Variants in SPTAN1 observed in about 807,000 individuals in gnomAD.
SPTAN1 encodes the protein spectrin alpha, non-erythrocytic 1.
In SPTAN1, 61 loss-of-function variants were observed where a neutral mutation model predicts 331.3. The observed-to-expected ratio is 0.18, with a 90% CI of 0.15 to 0.23. The LOEUF is 0.23. Ranked by LOEUF, SPTAN1 falls within the 10% of genes least tolerant of loss-of-function variation. The pLI is 1.00. For synonymous variants in SPTAN1, 1,153 were observed against 1,173.9 expected, an observed-to-expected ratio of 0.98 and a Z score of 0.36; for missense variants, 2,043 against 3,147.9, an observed-to-expected ratio of 0.65 and a Z score of 8.40.
At chr9:128,597,978 C>T (rs544030213) in intron 24 of SPTAN1, among the ~76,000 whole-genome samples, 9 of 147,196 alleles carry the variant, frequency 6.1e-5, no homozygotes, top group African/African-American at 2.0e-4. Context: ...GATGGAGTTT[C>T]GCTCTTGTTG....
intron 2 of SPTAN1, 40 bp downstream of exon 2, chr9:128,567,017 G>T: frequency 1.2e-6 from 2 of 1,612,616 alleles, no homozygotes; most frequent in Non-Finnish European, 1.7e-6. Flanking sequence ...AAATTCAAGA[G>T]CCCAAATGTT....
intron 34 of SPTAN1, among the ~76,000 whole-genome samples, 165 bp from the exon 35 acceptor site, chr9:128,608,709 T>G (rs189634683): frequency 7.2e-5 from 11 of 152,370 alleles, no homozygotes; most frequent in African/African-American, 2.4e-4. Flanking sequence ...AATCAAGCTT[T>G]CTTTTGGCAT....
chr9:128,601,353 T>C (rs1029025198), intron 27 of SPTAN1: 3 of 152,180 alleles, frequency 2.0e-5, no homozygotes, highest in Non-Finnish European at 2.9e-5. Context: ...AGTTCTAGCA[T>C]CTTCCCTCCT....
rs1858878362 is a variant in SPTAN1 at position 128,627,128 on chromosome 9, T to A, written c.6577-258T>A. The A allele has an allele frequency of 1.7e-6, 1 of 601,882 alleles. No homozygotes were observed. The highest frequency in any genetic ancestry group is 1.9e-5 in the African/African-American group (1 of 52,590). The allele number at this position is 601,882 out of a possible 1,614,324, so 37.3% of individuals were successfully genotyped here. On this transcript the variant is annotated intron_variant, in intron 49 of 56. Coordinates refer to ENST00000372739, the MANE Select transcript of SPTAN1 (RefSeq NM_001130438.3). The surrounding 1 kb of genome is among the most constrained non-coding windows in gnomAD (Gnocchi z 4.9). ...GTACCCAGCCAGAAGTTTCCATTTCTGACAGTCCAGCAACTCCCTGCTTGA... is the reference window on the plus strand; with the variant it reads ...GTACCCAGCCAGAAGTTTCCATTTCAGACAGTCCAGCAACTCCCTGCTTGA...
intron 26 of SPTAN1, 32 bp from the exon 27 acceptor site, chr9:128,600,048 T>A: frequency 6.2e-7 from 1 of 1,614,030 alleles, no homozygotes. Flanking sequence ...GGTCAATTGC[T>A]TGGCTGCCTA....
intron 37 of SPTAN1, chr9:128,611,461 C>A (rs1856547976): frequency 2.2e-6 from 1 of 454,484 alleles, no homozygotes; most frequent in Non-Finnish European, 4.1e-6. Context: ...CTGAGCAAGA[C>A]CCTGTCTCAA....
At chr9:128,562,323 G>A (rs1346603972) in intron 1 of SPTAN1, among the ~76,000 whole-genome samples, 2 of 152,070 alleles carry the variant, frequency 1.3e-5, no homozygotes, top group Non-Finnish European at 2.9e-5. Context: ...GGCTGGTCTG[G>A]AGCTCATGAC....
Position 128,615,445 on chromosome 9 carries a change from G to A in SPTAN1, c.5149-187G>A, listed in dbSNP as rs79176107. Among the ~76,000 whole-genome samples, 931 of 152,080 alleles carry A rather than the reference G, an allele frequency of 6.1e-3. 8 individuals are homozygous for A. Among genetic ancestry groups the A allele is most frequent in the African/African-American group, 0.021 (862 of 41,476 alleles). The stretch of plus-strand genomic sequence containing the variant: ...GTACTATCAGTGCAAATGTCCACAC[G>A]GTAAAAAATAATAATGTCTTATAAT... On this transcript the variant is annotated intron_variant, in intron 40 of 56. Coordinates refer to ENST00000372739, the MANE Select transcript of SPTAN1 (RefSeq NM_001130438.3).
chr9:128,558,100 G>A (rs112855781), intron 1 of SPTAN1, among the ~76,000 whole-genome samples: 126 of 152,288 alleles, frequency 8.3e-4, no homozygotes, highest in African/African-American at 2.7e-3. Flanking sequence ...ACCGCGCCCA[G>A]CTGTATATTA....
intron 27 of SPTAN1, among the ~76,000 whole-genome samples, chr9:128,600,757 A>G (rs914885885): frequency 1.4e-5 from 2 of 147,702 alleles, no homozygotes; most frequent in African/African-American, 5.0e-5. Flanking sequence ...CCGCCTCCCC[A>G]GTTCGAGCAA....
intron 3 of SPTAN1, 36 bp downstream of exon 3, chr9:128,568,933 T>C (rs1447344638): frequency 3.1e-6 from 5 of 1,613,094 alleles, no homozygotes; most frequent in Non-Finnish European, 4.2e-6. Context: ...GATGGCTTCA[T>C]CTGGGTGGAG....
Position 128,625,666 on chromosome 9 carries a change from T to A in SPTAN1, c.6070-103T>A. The A allele has an allele frequency of 9.3e-7, 1 of 1,071,152 alleles. No homozygotes were observed. The highest frequency in any genetic ancestry group is 1.7e-5 in the Admixed American group (1 of 58,352). The allele number at this position is 1,071,152 out of a possible 1,614,324, so 66.4% of individuals were successfully genotyped here. ...CTCAGCAGTGTCCAGGTGGACAGTT[T>A]GGCTTGGGCATCTGGGGGACATGCT... On this transcript the variant is annotated intron_variant, in intron 47 of 56. Coordinates refer to ENST00000372739, the MANE Select transcript of SPTAN1 (RefSeq NM_001130438.3). The surrounding 1 kb of genome is among the most constrained non-coding windows in gnomAD (Gnocchi z 4.1).
intron 20 of SPTAN1, 110 bp from the exon 21 acceptor site, chr9:128,588,699 T>G: frequency 1.4e-6 from 2 of 1,442,010 alleles, no homozygotes; most frequent in South Asian, 2.3e-5. Flanking sequence ...TTCTCATGAG[T>G]GTATATTTGG....
At chr9:128,609,370 C>A in intron 36 of SPTAN1, 86 bp downstream of exon 36, 1 of 1,575,948 alleles carries the variant, frequency 6.3e-7, no homozygotes, top group Non-Finnish European at 8.7e-7. Context: ...ATAAAACAAT[C>A]TCCTTGCACC....
intron 19 of SPTAN1, among the ~76,000 whole-genome samples, chr9:128,587,100 C>T (rs117389491): frequency 1.3e-5 from 2 of 152,230 alleles, no homozygotes; most frequent in East Asian, 1.9e-4. Context: ...GGATTACAGG[C>T]GTGAGGCACC....
intron 44 of SPTAN1, among the ~76,000 whole-genome samples, chr9:128,620,282 C>A (rs1316317129): frequency 2.0e-5 from 3 of 152,202 alleles, no homozygotes; most frequent in African/African-American, 7.2e-5. Context: ...AGCCACCTTC[C>A]TCACCATGGG....
Position 128,557,795 on chromosome 9 carries a change from ATTTCTT to A in SPTAN1, c.-4+5103_-4+5108del, listed in dbSNP as rs1244610120. ...GCTGTATCTTTGGATTAAATTAGAAATTTCTTTTTTTTTTTTTTTTTTTTTTGAGAC... is the reference window on the plus strand; with the variant it reads ...GCTGTATCTTTGGATTAAATTAGAAATTTTTTTTTTTTTTTTTTTTGAGAC... On this transcript the variant is annotated intron_variant, in intron 1 of 56. Transcript: ENST00000372739. Among the ~76,000 whole-genome samples the A allele has an allele frequency of 2.9e-5, 4 of 138,064 alleles. No homozygotes were observed. The Admixed American group carries it at 3.3e-4, about 11-fold the overall frequency. 90.6% of individuals were successfully genotyped at this position (138,064 alleles called of 152,430 possible).
chr9:128,631,813 A>C (rs1859782149), intron 52 of SPTAN1: 2 of 370,070 alleles, frequency 5.4e-6, no homozygotes, highest in South Asian at 2.7e-5. Context: ...GTGAGACTCC[A>C]TCTCAAAAAA....
chr9:128,582,440 G>A lies in SPTAN1; in HGVS notation c.1573-39G>A, dbSNP rs368986406. 3 of 1,585,000 alleles carry A rather than the reference G, an allele frequency of 1.9e-6. No homozygotes were observed. The East Asian group carries it at 6.7e-5, about 35-fold the overall frequency. On this transcript the variant is annotated intron_variant, in intron 12 of 56. Transcript: ENST00000372739. The stretch of plus-strand genomic sequence containing the variant: ...TCTCCAGAGGCCAAGCTTGGGACTA[G>A]TGTGCTTACCAATGAAGAACTCTTA...
Sources: allele counts gnomAD v4.1 joint callset (sites outside exome capture counted in the v4.1 genomes callset), GRCh38; gene constraint gnomAD v4.1.1; non-coding constraint Gnocchi (gnomAD v3.1); transcripts MANE v1.5; gene names NCBI Gene and HGNC (gene_info 2026-07-23, HGNC 2026-07-21).